The following GAS7 variants were observed in gnomAD, a reference collection of about 807,000 sequenced individuals.
The protein encoded by GAS7 is growth arrest specific 7.
In GAS7, 28 loss-of-function variants were observed where a neutral mutation model predicts 71.1. The observed-to-expected ratio is 0.39, with a 90% confidence interval of 0.29 to 0.54. GAS7 has a LOEUF of 0.54. Ranked by LOEUF, GAS7 falls within the 20% of genes least tolerant of loss-of-function variation. GAS7 has a pLI of 0.62. For missense variants in GAS7, 436 were observed against 627.8 expected (o/e 0.69, Z 3.27); for synonymous variants, 258 against 245.8 (o/e 1.05, Z -0.46).
intron 2 of GAS7, among the ~76,000 whole-genome samples, chr17:10,005,236 T>C (rs1351583599): frequency 9.3e-6 from 1 of 107,450 alleles, no homozygotes; most frequent in Admixed American, 7.9e-5. Flanking sequence ...TATGTGTATG[T>C]GCGCGCATGC....
At chr17:9,958,429 C>G (rs1039469215) in intron 5 of GAS7, among the ~76,000 whole-genome samples, 10 of 152,250 alleles carry the variant, frequency 6.6e-5, no homozygotes, top group African/African-American at 2.4e-4. Context: ...TTGGTTTTGT[C>G]TCCACAGGGG....
chr17:10,125,808 A>G (rs547354761), intron 1 of GAS7, among the ~76,000 whole-genome samples: 6 of 152,070 alleles, frequency 3.9e-5, no homozygotes, highest in Non-Finnish European at 7.4e-5. Context: ...CATCCGGAAA[A>G]TATTTAGCTA....
At chr17:9,979,451 G>A (rs904253581) in intron 3 of GAS7, among the ~76,000 whole-genome samples, 1 of 152,174 alleles carries the variant, frequency 6.6e-6, no homozygotes, top group African/African-American at 2.4e-5. Flanking sequence ...ACAGAGAGAG[G>A]CTCTTGATGC....
chr17:10,036,526 C>T (rs1250018291), intron 1 of GAS7: 46 of 1,602,084 alleles, frequency 2.9e-5, no homozygotes, highest in Non-Finnish European at 3.6e-5. Context: ...ACCAAGACTC[C>T]GCCGGCTTCC....
intron 1 of GAS7, among the ~76,000 whole-genome samples, chr17:10,054,597 CCT>C (rs953915366): frequency 7.9e-5 from 12 of 152,196 alleles, no homozygotes; most frequent in African/African-American, 2.4e-4. Context: ...GTGTGCAACC[CCT>C]GATTGTAACT....
Position 10,126,547 on chromosome 17 carries a change from C to CAT in GAS7, c.183+71660_183+71661insAT, listed in dbSNP as rs71139018. ...CACACAAGCACACACACAAAGAGCG[C>CAT]ACACACGCAGACATGCACACACTCT... On this transcript the variant is annotated intron_variant, in intron 1 of 13. Transcript: ENST00000432992. Among the ~76,000 whole-genome samples, 3 of 25,312 alleles carry CAT rather than the reference C, an allele frequency of 1.2e-4. No individual in the cohort carries two copies. The East Asian group carries it at 1.4e-3, about 12-fold the overall frequency. 16.6% of individuals were successfully genotyped at this position (25,312 alleles called of 152,430 possible).
At chr17:10,117,230 C>G (rs1472982208) in intron 1 of GAS7, among the ~76,000 whole-genome samples, 1 of 152,106 alleles carries the variant, frequency 6.6e-6, no homozygotes, top group Non-Finnish European at 1.5e-5. Flanking sequence ...TTGCTTCCAA[C>G]ATCACATCTC....
intron 1 of GAS7, among the ~76,000 whole-genome samples, chr17:10,115,392 G>A (rs939357700): frequency 6.6e-6 from 1 of 152,208 alleles, no homozygotes; most frequent in Admixed American, 6.5e-5. Context: ...GCAGTCTGAA[G>A]GAGGGTGGGG....
intron 9 of GAS7, among the ~76,000 whole-genome samples, chr17:9,932,461 G>A (rs1165682458): frequency 6.6e-6 from 1 of 152,214 alleles, no homozygotes; most frequent in African/African-American, 2.4e-5. Context: ...TCAAAGTGCT[G>A]GGATTACAGG....
intron 2 of GAS7, 121 bp from the exon 3 acceptor site, chr17:9,982,005 C>T (rs1231165055): frequency 3.0e-6 from 2 of 658,812 alleles, no homozygotes; most frequent in Non-Finnish European, 5.5e-6. Flanking sequence ...TCGCCCTCCT[C>T]CCCAACCCTG....
chr17:10,096,002 G>A (rs537062746), intron 1 of GAS7, among the ~76,000 whole-genome samples: 44 of 151,918 alleles, frequency 2.9e-4, no homozygotes, highest in Admixed American at 8.5e-4. Context: ...TGTTCCTTGG[G>A]GCTCCATCCC....
chr17:9,943,356 C>A, intron 6 of GAS7, 120 bp from the exon 7 acceptor site: 1 of 676,138 alleles, frequency 1.5e-6, no homozygotes. Context: ...GCACAAGACG[C>A]GGGAGCAGCT....
At chr17:10,085,785 G>T (rs2073513225) in intron 1 of GAS7, among the ~76,000 whole-genome samples, 1 of 151,438 alleles carries the variant, frequency 6.6e-6, no homozygotes, top group South Asian at 2.1e-4. Context: ...TTTTAATTTA[G>T]TCCTTCCAAC....
intron 4 of GAS7, among the ~76,000 whole-genome samples, chr17:9,967,116 C>T (rs2069748026): frequency 6.6e-6 from 1 of 151,746 alleles, no homozygotes; most frequent in South Asian, 2.1e-4. Flanking sequence ...CTACCCGGGC[C>T]TGCATCTCCA....
Position 10,131,015 on chromosome 17 carries a change from C to A in GAS7, c.183+67193G>T, listed in dbSNP as rs1368876196. 2.6e-5 allele frequency among the ~76,000 whole-genome samples: 4 copies of A among 152,208 alleles called. 1 individual carries two copies. The South Asian group carries it at 6.2e-4, about 24-fold the overall frequency. Reference sequence around the variant, plus strand: ...GAATTGAATGGTATGCAAATTATATCTCCATAAAGCCGTTATCAAAACATA... The same window carrying A: ...GAATTGAATGGTATGCAAATTATATATCCATAAAGCCGTTATCAAAACATA... On this transcript the variant is annotated intron_variant, in intron 1 of 13. Coordinates refer to ENST00000432992, the MANE Select transcript of GAS7 (RefSeq NM_201433.2).
chr17:10,182,182 G>A (rs899349139), intron 1 of GAS7, among the ~76,000 whole-genome samples: 4 of 152,200 alleles, frequency 2.6e-5, no homozygotes, highest in East Asian at 1.9e-4. Flanking sequence ...TGTGTGTGAC[G>A]GAGTTTCACT....
intron 1 of GAS7, among the ~76,000 whole-genome samples, chr17:10,159,434 G>A (rs989628922): frequency 1.3e-5 from 2 of 152,026 alleles, no homozygotes; most frequent in Admixed American, 1.3e-4. Flanking sequence ...AATTGATGGT[G>A]TATTTATTCA....
chr17:9,942,811 C>T (rs141961897), intron 7 of GAS7, among the ~76,000 whole-genome samples: 176 of 152,322 alleles, frequency 1.2e-3, no homozygotes, highest in African/African-American at 3.8e-3. Flanking sequence ...AGCCAAGTGT[C>T]GCGTGAGGGA....
rs2067988712 is a variant in GAS7 at position 9,926,049 on chromosome 17, G to T, written c.1015-450C>A. Among the ~76,000 whole-genome samples the T allele has an allele frequency of 6.6e-6, 1 of 152,026 alleles. No homozygotes were observed. The highest frequency in any genetic ancestry group is 1.5e-5 in the Non-Finnish European group (1 of 67,996). The stretch of plus-strand genomic sequence containing the variant: ...CCCTCACTGTACTGCCTTTCCTCCA[G>T]GCCACCACTGGCATCTCTGTGGTCC... On this transcript the variant is annotated intron_variant, in intron 10 of 13. Transcript: ENST00000432992. The surrounding 1 kb of genome is among the most constrained non-coding windows in gnomAD (Gnocchi z 5.0).
Sources: allele counts gnomAD v4.1 joint callset (sites outside exome capture counted in the v4.1 genomes callset), GRCh38; gene constraint gnomAD v4.1.1; non-coding constraint Gnocchi (gnomAD v3.1); transcripts MANE v1.5; gene names NCBI Gene and HGNC (gene_info 2026-07-23, HGNC 2026-07-21).